The following OR5AN1 variants were observed in gnomAD, a reference collection of about 807,000 sequenced individuals.
OR5AN1 encodes olfactory receptor family 5 subfamily AN member 1, also known as olfactory receptor 5AN1.
For synonymous variants in OR5AN1, 167 were observed against 131.8 expected, an observed-to-expected ratio of 1.27 and a Z score of -1.83; for missense variants, 476 against 368.9, an observed-to-expected ratio of 1.29 and a Z score of -2.38.
chr11:59,363,010 C>T (rs1204715224), intron 1 of OR5AN1, among the ~76,000 whole-genome samples: 1 of 147,384 alleles, frequency 6.8e-6, no homozygotes, highest in Non-Finnish European at 1.5e-5. Context: ...CACTAGGTCT[C>T]AATCTACACC....
At chr11:59,361,785 C>T (rs1238529229) in intron 1 of OR5AN1, among the ~76,000 whole-genome samples, 2 of 151,918 alleles carry the variant, frequency 1.3e-5, no homozygotes, top group East Asian at 1.9e-4. Context: ...TTTTCTCTGT[C>T]CTCTCTCTCT....
rs573328426 is a variant in OR5AN1, at chr11:59,365,247, C to A, written c.789C>A (p.Ser263=). Residue 263 remains serine, a synonymous_variant, in exon 2 of 2, where the codon TCC becomes TCA. Coordinates refer to ENST00000641998, the MANE Select transcript of OR5AN1 (RefSeq NM_001004729.2). ...CAGGAATCTTTGTCTATTTGAGTTCCAGCTCTGGAGGTTCTTCAAGCTTTG... is the reference window on the plus strand; with the variant it reads ...CAGGAATCTTTGTCTATTTGAGTTCAAGCTCTGGAGGTTCTTCAAGCTTTG... The part of the protein sequence containing the change: ...YTSGIFVYLS[S]SSGGSSSFDR... The A allele has an allele frequency of 6.2e-7, 1 of 1,614,040 alleles. No individual in the cohort carries two copies. The highest frequency in any genetic ancestry group is 2.2e-5 in the East Asian group (1 of 44,868).
At chr11:59,360,381 T>C (rs1209558556) in intron 1 of OR5AN1, among the ~76,000 whole-genome samples, 2 of 152,222 alleles carry the variant, frequency 1.3e-5, no homozygotes, top group Non-Finnish European at 2.9e-5. Context: ...ATATCTGAGA[T>C]ATTGTATTAG....
chr11:59,360,633 C>A (rs1026008494), intron 1 of OR5AN1, among the ~76,000 whole-genome samples: 1 of 152,186 alleles, frequency 6.6e-6, no homozygotes, highest in East Asian at 1.9e-4. Flanking sequence ...TCACTGTATC[C>A]ATGTGTCCTC....
rs867870882 is a variant in OR5AN1, at chr11:59,370,146, A to C, written c.*4752A>C. 96 of 152,234 alleles carry C rather than the reference A, an allele frequency of 6.3e-4. No individual in the cohort carries two copies. Among genetic ancestry groups the C allele is most frequent in the African/African-American group, 2.2e-3 (93 of 41,458 alleles). The allele number at this position is 152,234 out of a possible 1,614,324, so 9.4% of individuals were successfully genotyped here. On this transcript the variant is annotated 3_prime_UTR_variant, in exon 2 of 2. Coordinates refer to ENST00000641998, the MANE Select transcript of OR5AN1 (RefSeq NM_001004729.2). The stretch of plus-strand genomic sequence containing the variant: ...TAGAAAGGAAAAACTGCTACCAGCT[A>C]ATACAAAAACACAGTTAAACACAGA...
At chr11:59,362,022 GAA>G (rs1174055476) in intron 1 of OR5AN1, among the ~76,000 whole-genome samples, 4 of 151,910 alleles carry the variant, frequency 2.6e-5, no homozygotes, top group Non-Finnish European at 5.9e-5. Flanking sequence ...CAGAGAGAGA[GAA>G]GAGAGCGGGG....
In OR5AN1 at chr11:59,364,420, T is replaced by C. The variant is rs769493952; in HGVS notation, c.-13-26T>C. 3.5e-6 allele frequency: 5 copies of C among 1,419,192 alleles called. No homozygotes were observed. The South Asian group carries it at 5.2e-5, about 15-fold the overall frequency. The allele number at this position is 1,419,192 out of a possible 1,614,324, so 87.9% of individuals were successfully genotyped here. On this transcript the variant is annotated intron_variant, in intron 1 of 1. Coordinates refer to ENST00000641998, the MANE Select transcript of OR5AN1 (RefSeq NM_001004729.2). ...TCACTTCAACTGAGTTAGCAATCCA[T>C]TCTCTTGTCTCCTTTCTGATATTAG...
In OR5AN1 at chr11:59,368,722, C is replaced by A. The variant is rs1231994285; in HGVS notation, c.*3328C>A. On this transcript the variant is annotated 3_prime_UTR_variant, in exon 2 of 2. Transcript: ENST00000641998. ...CAAACAAATGACCCTTAGCCACAAC[C>A]ATTACGAAGATCTCTTCCACTGCTG... is the stretch of plus-strand genomic sequence containing the variant. 1 of 152,300 alleles carries A rather than the reference C, an allele frequency of 6.6e-6. No individual in the cohort carries two copies. The highest frequency in any genetic ancestry group is 2.4e-5 in the African/African-American group (1 of 41,454). The allele number at this position is 152,300 out of a possible 1,614,324, so 9.4% of individuals were successfully genotyped here.
Position 59,370,166 on chromosome 11 carries a change from C to T in OR5AN1, c.*4772C>T, listed in dbSNP as rs1164974141. Reference sequence around the variant, plus strand: ...CAGCTAATACAAAAACACAGTTAAACACAGAAACCAATGTCACTATGAAGC... The same window carrying T: ...CAGCTAATACAAAAACACAGTTAAATACAGAAACCAATGTCACTATGAAGC... On this transcript the variant is annotated 3_prime_UTR_variant, in exon 2 of 2. Coordinates refer to ENST00000641998, the MANE Select transcript of OR5AN1 (RefSeq NM_001004729.2). The T allele has an allele frequency of 2.0e-5, 3 of 152,146 alleles. No homozygotes were observed. Among genetic ancestry groups the T allele is most frequent in the African/African-American group, 7.2e-5 (3 of 41,434 alleles). The allele number at this position is 152,146 out of a possible 1,614,324, so 9.4% of individuals were successfully genotyped here.
In OR5AN1 at chr11:59,366,747, A is replaced by G. The variant is rs1590583472; in HGVS notation, c.*1353A>G. ...AGAATAGGGACCCCAGCATATAATA[A>G]ACGCTATACGTGAATCATGTATTAT... On this transcript the variant is annotated 3_prime_UTR_variant, in exon 2 of 2. Coordinates refer to ENST00000641998, the MANE Select transcript of OR5AN1 (RefSeq NM_001004729.2). The G allele has an allele frequency of 6.6e-6, 1 of 152,336 alleles. No individual in the cohort carries two copies. Among genetic ancestry groups the G allele is most frequent in the East Asian group, 1.9e-4 (1 of 5,192 alleles). The allele number at this position is 152,336 out of a possible 1,614,324, so 9.4% of individuals were successfully genotyped here. A position where few individuals can be genotyped will look rare whatever the true frequency, so the allele number is the denominator to read the frequency against.
rs532828389 is a variant in OR5AN1, at chr11:59,370,606, T to C, written c.*5212T>C. 21 of 152,370 alleles carry C rather than the reference T, an allele frequency of 1.4e-4. No homozygotes were observed. Among genetic ancestry groups the C allele is most frequent in the Non-Finnish European group, 2.6e-4 (18 of 68,032 alleles). 9.4% of individuals were successfully genotyped at this position (152,370 alleles called of 1,614,324 possible). A position where few individuals can be genotyped will look rare whatever the true frequency, so the allele number is the denominator to read the frequency against. The stretch of plus-strand genomic sequence containing the variant: ...AAAGAGCAAAGTATATCCAAGATAT[T>C]CTTGCCCTTACAAATATCAATGTAT... On this transcript the variant is annotated 3_prime_UTR_variant, in exon 2 of 2. Coordinates refer to ENST00000641998, the MANE Select transcript of OR5AN1 (RefSeq NM_001004729.2).
At position 59,370,080 on chromosome 11, in the gene OR5AN1, C is replaced by T. The variant is rs1857577570; in HGVS notation, c.*4686C>T. 6.6e-6 allele frequency: 1 copy of T among 152,142 alleles called. No homozygotes were observed. The highest frequency in any genetic ancestry group is 1.5e-5 in the Non-Finnish European group (1 of 68,024). 9.4% of individuals were successfully genotyped at this position (152,142 alleles called of 1,614,324 possible). ...AAATGTTGAGGGACTTCATTACCACCAGACCTGCCTTACAAGAGATCTTGA... is the reference window on the plus strand; with the variant it reads ...AAATGTTGAGGGACTTCATTACCACTAGACCTGCCTTACAAGAGATCTTGA... On this transcript the variant is annotated 3_prime_UTR_variant, in exon 2 of 2. Transcript: ENST00000641998.
chr11:59,362,867 G>A (rs1857479120), intron 1 of OR5AN1, among the ~76,000 whole-genome samples: 2 of 152,144 alleles, frequency 1.3e-5, no homozygotes, highest in Admixed American at 6.5e-5. Flanking sequence ...TATTTACTTT[G>A]ACCTTTTTCC....
chr11:59,359,122 T>C lies in OR5AN1; in HGVS notation c.-164T>C, dbSNP rs1235244019. The C allele has an allele frequency of 6.6e-6, 1 of 152,202 alleles. No individual in the cohort carries two copies. The highest frequency in any genetic ancestry group is 1.9e-4 in the East Asian group (1 of 5,196). The allele number at this position is 152,202 out of a possible 1,614,324, so 9.4% of individuals were successfully genotyped here. A position where few individuals can be genotyped will look rare whatever the true frequency, so the allele number is the denominator to read the frequency against. ...GTAATTCTTCCAGTAAGGATACACA[T>C]GGAACAGAGTTTATGGTCCTCAGTC... is the stretch of plus-strand genomic sequence containing the variant. On this transcript the variant is annotated 5_prime_UTR_variant, in exon 1 of 2. It removes an upstream start codon present in the reference 5' UTR. Transcript: ENST00000641998.
chr11:59,361,861 A>T (rs781195133), intron 1 of OR5AN1, among the ~76,000 whole-genome samples: 3 of 152,124 alleles, frequency 2.0e-5, no homozygotes, highest in African/African-American at 7.2e-5. Context: ...TTTTTATCAT[A>T]AATGCAGAAG....
At position 59,371,221 on chromosome 11, in the gene OR5AN1, A is replaced by T. The variant is rs1235357680; in HGVS notation, c.*5827A>T. 6 of 152,162 alleles carry T rather than the reference A, an allele frequency of 3.9e-5. No homozygotes were observed. The highest frequency in any genetic ancestry group is 2.0e-4 in the Admixed American group (3 of 15,278). The allele number at this position is 152,162 out of a possible 1,614,324, so 9.4% of individuals were successfully genotyped here. A position where few individuals can be genotyped will look rare whatever the true frequency, so the allele number is the denominator to read the frequency against. On this transcript the variant is annotated 3_prime_UTR_variant, in exon 2 of 2. Transcript: ENST00000641998. ...GCATAGTGTCCCTGCTTAATATTACATAGAGTAGCTGGGTCATAATTATTT... is the reference window on the plus strand; with the variant it reads ...GCATAGTGTCCCTGCTTAATATTACTTAGAGTAGCTGGGTCATAATTATTT...
At chr11:59,360,497 T>C (rs1206364584) in intron 1 of OR5AN1, among the ~76,000 whole-genome samples, 2 of 152,166 alleles carry the variant, frequency 1.3e-5, no homozygotes, top group East Asian at 3.8e-4. Context: ...ATGTGTTTCA[T>C]GGTGGTTTTC....
At chr11:59,361,215 TC>T (rs1201103647) in intron 1 of OR5AN1, among the ~76,000 whole-genome samples, 1 of 152,210 alleles carries the variant, frequency 6.6e-6, no homozygotes, top group Admixed American at 6.5e-5. Context: ...TACTAGTTCT[TC>T]CTTTATTCCC....
intron 1 of OR5AN1, among the ~76,000 whole-genome samples, chr11:59,360,356 C>T (rs1857450111): frequency 6.6e-6 from 1 of 152,150 alleles, no homozygotes; most frequent in Non-Finnish European, 1.5e-5. Context: ...TTAAATCTAA[C>T]TCACCTTGGA....
Sources: gnomAD v4.1 joint callset for allele counts (sites outside exome capture counted in the v4.1 genomes callset) on GRCh38, gnomAD v4.1.1 for gene constraint, MANE v1.5 for transcripts, NCBI Gene and HGNC (gene_info 2026-07-23, HGNC 2026-07-21) for gene names.